The following RASEF variants were observed in gnomAD, a reference collection of about 807,000 sequenced individuals.
The protein encoded by RASEF is RAS and EF-hand domain containing.
RASEF carries 68 observed loss-of-function variants against 90.1 expected under a neutral mutation model. The ratio of observed to expected loss-of-function variants is 0.75; its 90% confidence interval spans 0.62 to 0.92. The LOEUF (loss-of-function observed/expected upper bound fraction) is 0.92. Among genes scored for constraint, RASEF ranks in the 40% least tolerant of loss-of-function variants. The pLI is 0.00. For synonymous variants in RASEF, 331 were observed against 345.2 expected (o/e 0.96, Z 0.46); for missense variants, 949 against 937.2 (o/e 1.01, Z -0.16).
upstream of RASEF, among the ~76,000 whole-genome samples, chr9:83,064,935 G>A (rs778803291): frequency 1.3e-5 from 2 of 152,266 alleles, no homozygotes; most frequent in African/African-American, 4.8e-5. Context: ...GGGCGTGGTG[G>A]CGGGCACCTT....
the RASEF span, among the ~76,000 whole-genome samples, chr9:83,166,784 A>G: frequency 6.6e-6 from 1 of 152,160 alleles, no homozygotes; most frequent in Non-Finnish European, 1.5e-5. Context: ...AGTGACCACC[A>G]TTCACATTCG....
the RASEF span, among the ~76,000 whole-genome samples, chr9:83,129,598 A>T: frequency 6.6e-6 from 1 of 152,218 alleles, no homozygotes; most frequent in Non-Finnish European, 1.5e-5. Context: ...TAGAAGCTTC[A>T]TCATTAGTTT....
intron 14 of RASEF, among the ~76,000 whole-genome samples, chr9:82,993,907 T>C (rs935922666): frequency 1.3e-5 from 2 of 152,188 alleles, no homozygotes; most frequent in African/African-American, 4.8e-5. Context: ...AATGAAGGCA[T>C]TTCCCACCTC....
At chr9:83,125,626 AC>A in the RASEF span, among the ~76,000 whole-genome samples, 1 of 152,158 alleles carries the variant, frequency 6.6e-6, no homozygotes, top group African/African-American at 2.4e-5. Context: ...CCCTTTTGCA[AC>A]AGTGTGGGGA....
the RASEF span, among the ~76,000 whole-genome samples, chr9:83,117,477 C>A: frequency 6.6e-6 from 1 of 152,170 alleles, no homozygotes; most frequent in African/African-American, 2.4e-5. Context: ...ACATTGCTTT[C>A]CATTAAGGTT....
chr9:83,133,824 G>T, the RASEF span, among the ~76,000 whole-genome samples: 2 of 151,986 alleles, frequency 1.3e-5, no homozygotes, highest in African/African-American at 4.8e-5. Flanking sequence ...TTCCAATATG[G>T]CTCAGAATGG....
At chr9:83,008,432 C>G (rs1829172183) in intron 6 of RASEF, among the ~76,000 whole-genome samples, 1 of 152,120 alleles carries the variant, frequency 6.6e-6, no homozygotes, top group Admixed American at 6.5e-5. Context: ...TTTCCCCAAG[C>G]CGTATCCTTC....
At chr9:83,001,872 C>T (rs918276779) in intron 9 of RASEF, among the ~76,000 whole-genome samples, 2 of 152,080 alleles carry the variant, frequency 1.3e-5, no homozygotes, top group Admixed American at 6.6e-5. Flanking sequence ...GTTGACACAC[C>T]GTCTGGAAAC....
the RASEF span, among the ~76,000 whole-genome samples, chr9:83,167,425 C>T: frequency 2.6e-5 from 4 of 151,494 alleles, no homozygotes; most frequent in African/African-American, 7.3e-5. Flanking sequence ...CTATAAAAGC[C>T]CATGAGATGG....
intron 1 of RASEF, 91 bp downstream of exon 1, chr9:83,062,346 G>C (rs941218865): frequency 8.2e-7 from 1 of 1,221,050 alleles, no homozygotes; most frequent in Non-Finnish European, 1.2e-6. Context: ...ACTAGGGGGG[G>C]GGGCCATTGG....
At chr9:83,147,400 A>C in the RASEF span, among the ~76,000 whole-genome samples, 1 of 152,184 alleles carries the variant, frequency 6.6e-6, no homozygotes, top group Non-Finnish European at 1.5e-5. Context: ...TGCAAAAATT[A>C]CTTTGAATCT....
At chr9:83,213,364 C>T in the RASEF span, among the ~76,000 whole-genome samples, 2 of 149,058 alleles carry the variant, frequency 1.3e-5, no homozygotes, top group Non-Finnish European at 3.0e-5. Context: ...TGTACCACTG[C>T]ACTCCAGCCT....
the RASEF span, among the ~76,000 whole-genome samples, chr9:83,179,468 G>A: frequency 2.6e-5 from 4 of 152,084 alleles, no homozygotes; most frequent in African/African-American, 9.7e-5. Flanking sequence ...CAAGGAATGA[G>A]TATCGTCATT....
chr9:83,115,445 C>G, the RASEF span, among the ~76,000 whole-genome samples: 2 of 152,114 alleles, frequency 1.3e-5, no homozygotes, highest in Non-Finnish European at 2.9e-5. Context: ...ACATTTTTTC[C>G]TACTCAAATC....
chr9:83,106,012 A>G, the RASEF span, among the ~76,000 whole-genome samples: 1 of 152,054 alleles, frequency 6.6e-6, no homozygotes, highest in Admixed American at 6.5e-5. Flanking sequence ...GCAAACAACC[A>G]TGTGTTTTCA....
the RASEF span, among the ~76,000 whole-genome samples, chr9:83,123,159 G>A: frequency 1.5e-3 from 224 of 148,624 alleles, 1 homozygote; most frequent in African/African-American, 5.4e-3. Context: ...AGAATCACTT[G>A]AATCCGGGAG....
At chr9:83,016,942 T>C (rs1269020844) in intron 3 of RASEF, among the ~76,000 whole-genome samples, 4 of 152,190 alleles carry the variant, frequency 2.6e-5, no homozygotes, top group African/African-American at 4.8e-5. Context: ...AAATAATCCA[T>C]GTGAAATGCT....
the RASEF span, among the ~76,000 whole-genome samples, chr9:83,169,499 C>A: frequency 1.3e-5 from 2 of 151,952 alleles, no homozygotes; most frequent in Admixed American, 6.6e-5. Flanking sequence ...TTGCCACCAA[C>A]GGTGTAGTGT....
chr9:83,056,288 A>G (rs913611654), intron 1 of RASEF, among the ~76,000 whole-genome samples: 1 of 152,190 alleles, frequency 6.6e-6, no homozygotes, highest in African/African-American at 2.4e-5. Flanking sequence ...CACCATTAGA[A>G]CTTCCCTCTG....
Sources: gnomAD v4.1 joint callset for allele counts (sites outside exome capture counted in the v4.1 genomes callset) on GRCh38, gnomAD v4.1.1 for gene constraint, MANE v1.5 for transcripts, NCBI Gene and HGNC (gene_info 2026-07-23, HGNC 2026-07-21) for gene names.